The following ARC variants were observed in gnomAD, a reference collection of about 807,000 sequenced individuals.
The protein encoded by ARC is activity regulated cytoskeleton associated protein.
Under a neutral mutation model 20.0 loss-of-function variants are expected in ARC, and 10 were observed. The observed-to-expected ratio is 0.50, with a 90% confidence interval of 0.31 to 0.85. ARC has a LOEUF of 0.85. ARC is among the 40% of genes least tolerant of loss of function. The probability of loss-of-function intolerance (pLI) is 0.05; values close to 1 mark genes in which losing one functional copy is unlikely to be tolerated. For missense variants in ARC, 454 were observed against 555.5 expected, an observed-to-expected ratio of 0.82 and a Z score of 1.84; for synonymous variants, 269 against 254.1, an observed-to-expected ratio of 1.06 and a Z score of -0.56.
chr8:142,613,936 C>G lies in ARC; in HGVS notation c.336G>C (p.Glu112Asp). 2 of 1,604,360 alleles carry G rather than the reference C, an allele frequency of 1.2e-6. No individual in the cohort carries two copies. Among genetic ancestry groups the G allele is most frequent in the Non-Finnish European group, 1.7e-6 (2 of 1,177,202 alleles). ...IANLERWVKR[E>D]MHVWREVFYR... ...AGAACACCTCGCGCCACACGTGCAT[C>G]TCGCGCTTGACCCAGCGCTCCAGGT... Residue 112 changes from glutamate (E) to aspartate (D), a missense_variant, in exon 1 of 3, where the codon GAG becomes GAC. Glu to Asp is a conservative substitution (Grantham distance 45, BLOSUM62 2). Coordinates refer to ENST00000356613, the MANE Select transcript of ARC (RefSeq NM_015193.5).
In ARC at chr8:142,611,516, G is replaced by A. The variant is rs1343775241; in HGVS notation, c.*1084C>T. On this transcript the variant is annotated 3_prime_UTR_variant, in exon 3 of 3. Transcript: ENST00000356613. The stretch of plus-strand genomic sequence containing the variant: ...TCAGGGCTGCTGGGCAGGGGTAGGA[G>A]CTGTGGCCCCAGCCTTGGGGCTCAT... 1.3e-5 allele frequency: 2 copies of A among 152,308 alleles called. No homozygotes were observed. Among genetic ancestry groups the A allele is most frequent in the East Asian group, 1.9e-4 (1 of 5,194 alleles). 9.4% of individuals were successfully genotyped at this position (152,308 alleles called of 1,614,324 possible). A position where few individuals can be genotyped will look rare whatever the true frequency, so the allele number is the denominator to read the frequency against.
rs1214669938 is a variant in ARC at position 142,611,789 on chromosome 8, G to A, written c.*811C>T. On this transcript the variant is annotated 3_prime_UTR_variant, in exon 3 of 3. Transcript: ENST00000356613. Reference sequence around the variant, plus strand: ...GTCCTGGGACTTCGCCTCCCACGCAGGCAGCCTGCAAGGTGAGGGGTGGGT... The same window carrying A: ...GTCCTGGGACTTCGCCTCCCACGCAAGCAGCCTGCAAGGTGAGGGGTGGGT... 1.3e-5 allele frequency: 2 copies of A among 152,534 alleles called. No individual in the cohort carries two copies. Among genetic ancestry groups the A allele is most frequent in the Non-Finnish European group, 2.9e-5 (2 of 68,270 alleles). 9.4% of individuals were successfully genotyped at this position (152,534 alleles called of 1,614,324 possible). A position where few individuals can be genotyped will look rare whatever the true frequency, so the allele number is the denominator to read the frequency against.
Position 142,613,092 on chromosome 8 carries a change from G to T in ARC, c.1180C>A (p.Gln394Lys). The change falls in exon 1 of 3, where the codon CAG (glutamine) becomes AAG (lysine). Residue 394 changes from glutamine (Q) to lysine (K), a missense_variant. By Grantham distance (53) the Gln-to-Lys change is moderately conservative (BLOSUM62 1). Coordinates refer to ENST00000356613, the MANE Select transcript of ARC (RefSeq NM_015193.5). ...NSESVASDRT[Q>K]PE ...CTCCGGGATGCCCTCTACTCGGGCT[G>T]GGTCCGGTCACTGGCCACGGACTCG... The T allele has an allele frequency of 6.5e-7, 1 of 1,537,682 alleles. No homozygotes were observed. Among genetic ancestry groups the T allele is most frequent in the Non-Finnish European group, 8.7e-7 (1 of 1,143,048 alleles).
rs950990999 is a variant in ARC at position 142,612,117 on chromosome 8, C to T, written c.*733G>A. 1 of 152,930 alleles carries T rather than the reference C, an allele frequency of 6.5e-6. No homozygotes were observed. Among genetic ancestry groups the T allele is most frequent in the Non-Finnish European group, 1.5e-5 (1 of 68,280 alleles). The allele number at this position is 152,930 out of a possible 1,614,324, so 9.5% of individuals were successfully genotyped here. On this transcript the variant is annotated 3_prime_UTR_variant, in exon 2 of 3. Coordinates refer to ENST00000356613, the MANE Select transcript of ARC (RefSeq NM_015193.5). ...GGTGGTGCTCCGTTACCTGTTGTCA[C>T]TCTCCTGGCTCTGATGGTGCCAGCT... is the stretch of plus-strand genomic sequence containing the variant.
In ARC at chr8:142,612,967, G is replaced by A. The variant is rs1846269636; in HGVS notation, c.*114C>T. On this transcript the variant is annotated 3_prime_UTR_variant, in exon 1 of 3. Transcript: ENST00000356613. The stretch of plus-strand genomic sequence containing the variant: ...TGCGAGTCCGCCCGGAGCTCGAGGG[G>A]GCACCCAGCTGGACCAGGGCTTCCC... The A allele has an allele frequency of 2.3e-6, 2 of 865,982 alleles. No homozygotes were observed. The highest frequency in any genetic ancestry group is 3.4e-5 in the African/African-American group (2 of 58,902). The allele number at this position is 865,982 out of a possible 1,614,324, so 53.6% of individuals were successfully genotyped here.
chr8:142,612,897 C>G lies in ARC; in HGVS notation c.*184G>C. On this transcript the variant is annotated 3_prime_UTR_variant, in exon 1 of 3. Coordinates refer to ENST00000356613, the MANE Select transcript of ARC (RefSeq NM_015193.5). ...GTGGAGCCCTGCAGGGGGGAGGGCT[C>G]TTTGCCGCTGGGTGCGGTGCTCACA... The G allele has an allele frequency of 1.8e-6, 1 of 570,228 alleles. No individual in the cohort carries two copies. The highest frequency in any genetic ancestry group is 2.8e-5 in the East Asian group (1 of 35,440). The allele number at this position is 570,228 out of a possible 1,614,324, so 35.3% of individuals were successfully genotyped here.
rs1421830302 is a variant in ARC, at chr8:142,613,629, C to A, written c.643G>T (p.Glu215Ter). The change falls in exon 1 of 3, where the codon GAG (glutamate) becomes TAG (stop). Residue 215 changes from glutamate (E) to a stop codon, truncating the protein, a stop_gained. Coordinates refer to ENST00000356613, the MANE Select transcript of ARC (RefSeq NM_015193.5). LOFTEE classifies it high-confidence loss of function. Reference protein sequence around the residue: ...PSPGVDTQIFEDPREFLSHLE... With the variant: ...PSPGVDTQIF ...TGGCTCAGGAACTCTCGAGGGTCCT[C>A]GAAGATCTGCGTGTCCACGCCGGGG... is the stretch of plus-strand genomic sequence containing the variant. 6.3e-7 allele frequency: 1 copy of A among 1,576,984 alleles called. No homozygotes were observed. Among genetic ancestry groups the A allele is most frequent in the Non-Finnish European group, 8.6e-7 (1 of 1,160,414 alleles).
In ARC at chr8:142,614,096, C is replaced by T. The variant is rs1451137469; in HGVS notation, c.176G>A (p.Arg59His). The stretch of plus-strand genomic sequence containing the variant: ...CGACCGGTGCAGCCCCTTCAGCTCG[C>T]GCTCCACCTGCTTGGACACCTCGGC... Reference protein sequence around the residue: ...LLAEVSKQVERELKGLHRSVG... With the variant: ...LLAEVSKQVEHELKGLHRSVG... The change falls in exon 1 of 3, where the codon CGC becomes CAC. Residue 59 changes from arginine (R) to histidine (H), a missense_variant. Physicochemically the swap from Arg to His is conservative, Grantham distance 29. This residue lies in a region of ARC where 265 missense variants were observed against 301.7 expected (regional missense o/e 0.88). Coordinates refer to ENST00000356613, the MANE Select transcript of ARC (RefSeq NM_015193.5). 7 of 1,592,204 alleles carry T rather than the reference C, an allele frequency of 4.4e-6. No homozygotes were observed. In the East Asian group the frequency reaches 1.4e-4, roughly 31 times the overall value.
At position 142,612,847 on chromosome 8, in the gene ARC, AAGAC is replaced by A. The variant is rs1846267352; in HGVS notation, c.*230_*233del. ...TGTGGAGGGTGGGGTCCAGGCCGGA[AAGAC>A]AGACGGAGGGAGGGTGATGGGTGGA... On this transcript the variant is annotated 3_prime_UTR_variant, in exon 1 of 3. Transcript: ENST00000356613. The A allele has an allele frequency of 2.0e-6, 1 of 507,630 alleles. No individual in the cohort carries two copies. The highest frequency in any genetic ancestry group is 3.4e-5 in the Admixed American group (1 of 29,686). The allele number at this position is 507,630 out of a possible 1,614,324, so 31.4% of individuals were successfully genotyped here.
chr8:142,612,845 G>C lies in ARC; in HGVS notation c.*236C>G, dbSNP rs1379949349. On this transcript the variant is annotated 3_prime_UTR_variant, in exon 1 of 3. Coordinates refer to ENST00000356613, the MANE Select transcript of ARC (RefSeq NM_015193.5). ...AGTGTGGAGGGTGGGGTCCAGGCCG[G>C]AAAGACAGACGGAGGGAGGGTGATG... The C allele has an allele frequency of 5.9e-6, 3 of 510,142 alleles. No individual in the cohort carries two copies. The highest frequency in any genetic ancestry group is 6.9e-6 in the Non-Finnish European group (2 of 287,770). 31.6% of individuals were successfully genotyped at this position (510,142 alleles called of 1,614,324 possible).
In ARC at chr8:142,612,548, C is replaced by T. The variant is rs587743160; in HGVS notation, c.*533G>A. The stretch of plus-strand genomic sequence containing the variant: ...GCTGCGTGTGCGACTTCTACTCTCC[C>T]CTGGGAGGAGGGGGCCGCGCTGCCC... On this transcript the variant is annotated 3_prime_UTR_variant, in exon 1 of 3. Coordinates refer to ENST00000356613, the MANE Select transcript of ARC (RefSeq NM_015193.5). The T allele has an allele frequency of 6.4e-4, 102 of 159,456 alleles. 1 individual carries two copies. The highest frequency in any genetic ancestry group is 3.5e-3 in the Admixed American group (60 of 17,072). 9.9% of individuals were successfully genotyped at this position (159,456 alleles called of 1,614,324 possible).
At position 142,613,174 on chromosome 8, in the gene ARC, G is replaced by A. The variant is rs773650144; in HGVS notation, c.1098C>T (p.Ala366=). The change falls in exon 1 of 3, where the codon GCC becomes GCT. Residue 366 remains alanine (A), a synonymous_variant. Transcript: ENST00000356613. ...CATCCTCCACCGGGAGGTGGGGGCCGGCCGGCTCGGCCGCCTGCTCCAGGT... is the reference window on the plus strand; with the variant it reads ...CATCCTCCACCGGGAGGTGGGGGCCAGCCGGCTCGGCCGCCTGCTCCAGGT... ...QDDLEQAAEP[A]GPHLPVEDEA... 5 of 1,608,570 alleles carry A rather than the reference G, an allele frequency of 3.1e-6. No individual in the cohort carries two copies. Among genetic ancestry groups the A allele is most frequent in the South Asian group, 2.2e-5 (2 of 90,676 alleles).
rs1014815234 is a variant in ARC, at chr8:142,613,333, G to A, written c.939C>T (p.Tyr313=). ...WRKRDLYQTL[Y]VDADEEEIIQ... is the part of the protein sequence containing the mutation. ...TGATCTCCTCCTCGTCCGCGTCCAC[G>A]TAGAGCGTCTGGTACAGGTCCCGCT... The change falls in exon 1 of 3, where the codon TAC becomes TAT. Residue 313 remains tyrosine (Y), a synonymous_variant. Transcript: ENST00000356613. The A allele has an allele frequency of 1.6e-5, 26 of 1,613,606 alleles. No homozygotes were observed. Among genetic ancestry groups the A allele is most frequent in the Non-Finnish European group, 2.2e-5 (26 of 1,180,002 alleles).
Position 142,612,739 on chromosome 8 carries a change from G to C in ARC, c.*342C>G, listed in dbSNP as rs1846265481. 2 of 287,018 alleles carry C rather than the reference G, an allele frequency of 7.0e-6. No individual in the cohort carries two copies. The highest frequency in any genetic ancestry group is 2.1e-5 in the African/African-American group (1 of 46,664). The allele number at this position is 287,018 out of a possible 1,614,324, so 17.8% of individuals were successfully genotyped here. On this transcript the variant is annotated 3_prime_UTR_variant, in exon 1 of 3. Coordinates refer to ENST00000356613, the MANE Select transcript of ARC (RefSeq NM_015193.5). The stretch of plus-strand genomic sequence containing the variant: ...GGTGGCCGCTGGCCCCTGCCATCCG[G>C]ACACTTGGTTTTCTGGATGTCCAGA...
In ARC at chr8:142,613,530, C is replaced by A; in HGVS notation, c.742G>T (p.Gly248Trp). Residue 248 changes from glycine to tryptophan, a missense_variant, in exon 1 of 3, where the codon GGG becomes TGG. Coordinates refer to ENST00000356613, the MANE Select transcript of ARC (RefSeq NM_015193.5). ...WLSQIQNHMN[G>W]PAKKWWEFKQ... ...AACTCCCACCACTTCTTGGCCGGCCCGTTCATGTGATTCTGGATCTGGGAC... is the reference window on the plus strand; with the variant it reads ...AACTCCCACCACTTCTTGGCCGGCCAGTTCATGTGATTCTGGATCTGGGAC... The A allele has an allele frequency of 6.2e-7, 1 of 1,612,316 alleles. No homozygotes were observed.
Position 142,614,408 on chromosome 8 carries a change from C to T in ARC, c.-137G>A, listed in dbSNP as rs1429458491. On this transcript the variant is annotated 5_prime_UTR_variant, in exon 1 of 3. Transcript: ENST00000356613. ...TGTCGCTGCGGGCCGGCGGCGGGGC[C>T]GGCGGAGCACGCCCGGGGAGGCAGG... The T allele has an allele frequency of 5.0e-5, 36 of 720,162 alleles. No homozygotes were observed. Among genetic ancestry groups the T allele is most frequent in the Admixed American group, 8.9e-5 (2 of 22,586 alleles). 44.6% of individuals were successfully genotyped at this position (720,162 alleles called of 1,614,324 possible).
rs1460568962 is a variant in ARC at position 142,612,924 on chromosome 8, C to G, written c.*157G>C. Reference sequence around the variant, plus strand: ...TTGCCGCTGGGTGCGGTGCTCACATCTGGATGACACGAGTGTGTGCGAGTC... The same window carrying G: ...TTGCCGCTGGGTGCGGTGCTCACATGTGGATGACACGAGTGTGTGCGAGTC... On this transcript the variant is annotated 3_prime_UTR_variant, in exon 1 of 3. Transcript: ENST00000356613. The G allele has an allele frequency of 1.6e-6, 1 of 622,576 alleles. No homozygotes were observed. The highest frequency in any genetic ancestry group is 1.8e-5 in the African/African-American group (1 of 54,404). 38.6% of individuals were successfully genotyped at this position (622,576 alleles called of 1,614,324 possible). A position where few individuals can be genotyped will look rare whatever the true frequency, so the allele number is the denominator to read the frequency against.
Position 142,613,945 on chromosome 8 carries a change from G to C in ARC, c.327C>G (p.Val109=). 6.2e-7 allele frequency: 1 copy of C among 1,606,664 alleles called. No individual in the cohort carries two copies. The highest frequency in any genetic ancestry group is 8.5e-7 in the Non-Finnish European group (1 of 1,178,326). Residue 109 remains valine (V), a synonymous_variant, in exon 1 of 3, where the codon GTC becomes GTG. Coordinates refer to ENST00000356613, the MANE Select transcript of ARC (RefSeq NM_015193.5). The part of the protein sequence containing the change: ...QETIANLERW[V]KREMHVWREV... ...CGCGCCACACGTGCATCTCGCGCTT[G>C]ACCCAGCGCTCCAGGTTGGCGATGG...
rs1201319514 is a variant in ARC, at chr8:142,613,412, T to C, written c.860A>G (p.Glu287Gly). ...GCCCTGCTTCTGCGGCAGGTCCAGC[T>C]CGCGCTGGATGGCCTCTCGGGACAG... ...GTLSREAIQR[E>G]LDLPQKQGEP... Residue 287 changes from glutamate to glycine, a missense_variant, in exon 1 of 3, where the codon GAG (glutamate) becomes GGG (glycine). By Grantham distance (98) the Glu-to-Gly change is moderately conservative. This residue lies in a region of ARC where 117 missense variants were observed against 194.4 expected (regional missense o/e 0.60). Transcript: ENST00000356613. 6.2e-7 allele frequency: 1 copy of C among 1,611,736 alleles called. No individual in the cohort carries two copies. The highest frequency in any genetic ancestry group is 1.7e-5 in the Admixed American group (1 of 60,008).
Sources: allele counts gnomAD v4.1 joint callset, GRCh38; gene constraint gnomAD v4.1.1; regional missense constraint gnomAD v4.1.1; transcripts MANE v1.5; gene names NCBI Gene and HGNC (gene_info 2026-07-23, HGNC 2026-07-21).